Variants in INTS2 observed in about 807,000 individuals in gnomAD.
The protein encoded by INTS2 is KIAA1287.
Under a neutral mutation model 139.6 loss-of-function variants are expected in INTS2, and 57 were observed. That is an observed-to-expected ratio of 0.41 (90% CI 0.33 to 0.51). The LOEUF is 0.51. Ranked by LOEUF, INTS2 falls within the 20% of genes least tolerant of loss-of-function variation. The pLI is 0.28. For missense variants in INTS2, 1,196 were observed against 1,436.7 expected (o/e 0.83, Z 2.71); for synonymous variants, 473 against 493.4 (o/e 0.96, Z 0.55).
chr17:61,921,901 C>T (rs1173142239), intron 3 of INTS2, 74 bp from the exon 4 acceptor site: 6 of 761,642 alleles, frequency 7.9e-6, no homozygotes, highest in Admixed American at 2.8e-5. Context: ...ATAATTATTT[C>T]TTGAGCTCAC....
chr17:61,924,830 C>CAA, intron 3 of INTS2, 131 bp downstream of exon 3: 3 of 857,420 alleles, frequency 3.5e-6, no homozygotes, highest in Non-Finnish European at 5.3e-6. Context: ...ACTCCGTCTC[C>CAA]AAAAAAAAAG....
rs563643867 is a variant in INTS2, at chr17:61,868,567, C to T, written c.3244+467G>A. 2.7e-4 allele frequency among the ~76,000 whole-genome samples: 41 copies of T among 152,224 alleles called. No homozygotes were observed. In the South Asian group the frequency reaches 8.5e-3, roughly 32 times the overall value. On this transcript the variant is annotated intron_variant, in intron 23 of 24. Coordinates refer to ENST00000251334, the MANE Select transcript of INTS2 (RefSeq NM_001351695.2). This position sits in a 1 kb window ranked among gnomAD's most constrained non-coding sequence, Gnocchi z 4.7. ...TTTATTTTCAGACCATTTTATTCTA[C>T]AAACCAGAAGGTGGTTAAAATATCA...
intron 5 of INTS2, among the ~76,000 whole-genome samples, chr17:61,916,469 A>C (rs2079583926): frequency 6.6e-6 from 1 of 152,170 alleles, no homozygotes. Context: ...CCAATGCAAC[A>C]GAATAGAAAA....
intron 5 of INTS2, among the ~76,000 whole-genome samples, chr17:61,915,267 G>A (rs1567916082): frequency 6.6e-6 from 1 of 151,792 alleles, no homozygotes; most frequent in African/African-American, 2.4e-5. Flanking sequence ...GAACTGGGGA[G>A]GCAGAGGTTG....
In INTS2 at chr17:61,869,919, T is replaced by G. The variant is rs1567886488; in HGVS notation, c.2848A>C (p.Asn950His). 1 of 1,613,844 alleles carries G rather than the reference T, an allele frequency of 6.2e-7. No homozygotes were observed. Among genetic ancestry groups the G allele is most frequent in the Non-Finnish European group, 8.5e-7 (1 of 1,179,760 alleles). ...PTEEEKANGV[N>H]PDSLLRNVQS... is the part of the protein sequence containing the mutation. Reference sequence around the variant, plus strand: ...ACATTTCTTAACAAGCTATCTGGATTGACACCATTTGCTTTCTCCTCTTCA... The same window carrying G: ...ACATTTCTTAACAAGCTATCTGGATGGACACCATTTGCTTTCTCCTCTTCA... The change falls in exon 21 of 25, where the codon AAT becomes CAT. Residue 950 changes from asparagine to histidine, a missense_variant. Asn to His is a moderately conservative substitution (Grantham distance 68). This residue lies in a region of INTS2 where 1,129 missense variants were observed against 1,341.9 expected (regional missense o/e 0.84). Coordinates refer to ENST00000251334, the MANE Select transcript of INTS2 (RefSeq NM_001351695.2). This position sits in a 1 kb window ranked among gnomAD's most constrained non-coding sequence, Gnocchi z 5.4.
intron 11 of INTS2, 118 bp from the exon 12 acceptor site, chr17:61,895,501 A>T (rs1328466390): frequency 1.8e-6 from 1 of 569,970 alleles, no homozygotes; most frequent in Non-Finnish European, 3.0e-6. Flanking sequence ...CAAGTACTCT[A>T]CTCTGTTTTA....
chr17:61,927,924 G>A lies in INTS2; in HGVS notation c.-289C>T. ...GAAAAGCGGGAGACTTTTTCAACCTGCACCCAGCACCTTCATTCATCCCCA... is the reference window on the plus strand; with the variant it reads ...GAAAAGCGGGAGACTTTTTCAACCTACACCCAGCACCTTCATTCATCCCCA... On this transcript the variant is annotated 5_prime_UTR_variant, in exon 1 of 25. Coordinates refer to ENST00000251334, the MANE Select transcript of INTS2 (RefSeq NM_001351695.2). 1.9e-6 allele frequency: 3 copies of A among 1,613,958 alleles called. No homozygotes were observed. The highest frequency in any genetic ancestry group is 2.5e-6 in the Non-Finnish European group (3 of 1,179,866).
At chr17:61,920,197 T>TTA (rs1181440305) in intron 4 of INTS2, among the ~76,000 whole-genome samples, 3 of 150,870 alleles carry the variant, frequency 2.0e-5, no homozygotes, top group African/African-American at 7.3e-5. Flanking sequence ...TTTTTTTTTT[T>TTA]TGCGACGAAG....
chr17:61,908,412 T>C (rs922038580), intron 7 of INTS2, among the ~76,000 whole-genome samples: 7 of 151,990 alleles, frequency 4.6e-5, no homozygotes, highest in Admixed American at 4.6e-4. Flanking sequence ...GATACTCTCG[T>C]CTCAAAAAAA....
At chr17:61,923,090 A>T (rs2079664925) in intron 3 of INTS2, among the ~76,000 whole-genome samples, 3 of 152,076 alleles carry the variant, frequency 2.0e-5, no homozygotes, top group African/African-American at 7.2e-5. Context: ...AAAACAAACA[A>T]AAATAAATAA....
intron 9 of INTS2, among the ~76,000 whole-genome samples, chr17:61,901,597 T>C (rs1603378992): frequency 9.5e-6 from 1 of 105,318 alleles, no homozygotes; most frequent in East Asian, 4.1e-4. Flanking sequence ...TTTTTTTTTT[T>C]TTTTTTTTTT....
intron 2 of INTS2, 142 bp downstream of exon 2, chr17:61,926,210 T>G: frequency 1.6e-6 from 1 of 626,008 alleles, no homozygotes; most frequent in South Asian, 2.4e-5. Flanking sequence ...TCTGGAACTG[T>G]AACTATATAC....
At chr17:61,892,359 C>A (rs2145929137) in intron 13 of INTS2, among the ~76,000 whole-genome samples, 1 of 152,244 alleles carries the variant, frequency 6.6e-6, no homozygotes, top group East Asian at 1.9e-4. Flanking sequence ...GGTCTTAATA[C>A]CTTCTCTTTA....
rs1474952600 is a variant in INTS2, at chr17:61,877,969, G to C, written c.2374C>G (p.Leu792Val). The C allele has an allele frequency of 3.1e-6, 5 of 1,613,528 alleles. No individual in the cohort carries two copies. Among genetic ancestry groups the C allele is most frequent in the Admixed American group, 1.7e-5 (1 of 60,018 alleles). ...CTCCGTGGAACCCCTGAATTCAATA[G>C]CTGGCTCATATTGGATGTTAACACT... ...AEVLTSNMSQ[L>V]LNSGVPRRIL... The change falls in exon 18 of 25, where the codon CTA (leucine) becomes GTA (valine). Residue 792 changes from leucine to valine, a missense_variant. By Grantham distance (32) the Leu-to-Val change is conservative. Coordinates refer to ENST00000251334, the MANE Select transcript of INTS2 (RefSeq NM_001351695.2).
intron 16 of INTS2, among the ~76,000 whole-genome samples, chr17:61,881,632 C>T (rs1034518734): frequency 5.9e-5 from 9 of 152,106 alleles, no homozygotes; most frequent in African/African-American, 2.2e-4. Flanking sequence ...ACCACCAGCA[C>T]CATAAGCTTG....
At position 61,867,690 on chromosome 17, in the gene INTS2, G is replaced by A; in HGVS notation, c.3458C>T (p.Ser1153Phe). 1 of 1,609,358 alleles carries A rather than the reference G, an allele frequency of 6.2e-7. No individual in the cohort carries two copies. Among genetic ancestry groups the A allele is most frequent in the South Asian group, 1.1e-5 (1 of 90,184 alleles). The part of the protein sequence containing the change: ...QQIKEKPSGW[S>F]QICKDSSYKN... ...ATAAGATGAATCTTTACAGATTTGAGACCATCCACTTGGTTTCTCCTTTAT... is the reference window on the plus strand; with the variant it reads ...ATAAGATGAATCTTTACAGATTTGAAACCATCCACTTGGTTTCTCCTTTAT... Residue 1153 changes from serine to phenylalanine, a missense_variant, in exon 25 of 25, where the codon TCT becomes TTT. Coordinates refer to ENST00000251334, the MANE Select transcript of INTS2 (RefSeq NM_001351695.2). The surrounding 1 kb of genome is among the most constrained non-coding windows in gnomAD (Gnocchi z 5.6).
chr17:61,901,759 A>T (rs963917305), intron 9 of INTS2, among the ~76,000 whole-genome samples: 1 of 150,780 alleles, frequency 6.6e-6, no homozygotes, highest in African/African-American at 2.4e-5. Flanking sequence ...ACCGGCTAAT[A>T]TTTTTTTGTA....
At position 61,909,677 on chromosome 17, in the gene INTS2, C is replaced by T. The variant is rs961067789; in HGVS notation, c.954+1843G>A. On this transcript the variant is annotated intron_variant, in intron 7 of 24. Transcript: ENST00000251334. The surrounding 1 kb of genome is among the most constrained non-coding windows in gnomAD (Gnocchi z 4.9). ...TATGCAATATTTGACTTTGTTTATG[C>T]GTTATTTCACTTAATATAATGGCCT... Among the ~76,000 whole-genome samples, 4 of 152,030 alleles carry T rather than the reference C, an allele frequency of 2.6e-5. No individual in the cohort carries two copies. The highest frequency in any genetic ancestry group is 2.9e-5 in the Non-Finnish European group (2 of 68,006).
intron 9 of INTS2, 139 bp downstream of exon 9, chr17:61,904,321 T>C (rs2079438656): frequency 3.2e-6 from 2 of 617,730 alleles, no homozygotes; most frequent in Admixed American, 3.3e-5. Context: ...CTCTTAAAAA[T>C]TGGAAAAAAC....
Sources: allele counts gnomAD v4.1 joint callset (sites outside exome capture counted in the v4.1 genomes callset), GRCh38; gene constraint gnomAD v4.1.1; regional missense constraint gnomAD v4.1.1; non-coding constraint Gnocchi (gnomAD v3.1); transcripts MANE v1.5; gene names NCBI Gene and HGNC (gene_info 2026-07-23, HGNC 2026-07-21).